MYBBP1A: variants seen among roughly 807,000 people sequenced by gnomAD.
The protein encoded by MYBBP1A is myb-binding protein 1A.
MYBBP1A carries 147 observed loss-of-function variants against 136.3 expected under a neutral mutation model. The observed-to-expected ratio is 1.08, with a 90% CI of 0.94 to 1.24. The LOEUF (loss-of-function observed/expected upper bound fraction) is 1.24, where lower values mean the gene tolerates loss of function less well. Among genes scored for constraint, MYBBP1A ranks in the 50% most tolerant of loss-of-function variants. The pLI is 0.00. For missense variants in MYBBP1A, 2,060 were observed against 1,727.4 expected (o/e 1.19, Z -3.41); for synonymous variants, 947 against 735.8 (o/e 1.29, Z -4.65).
At chr17:4,545,505 C>T (rs758944719) in intron 15 of MYBBP1A, 105 bp downstream of exon 15, 131 of 1,498,834 alleles carry the variant, frequency 8.7e-5, no homozygotes, top group Non-Finnish European at 1.1e-4. Context: ...TCCCACCGGC[C>T]GCAGGCTCCC....
rs1906088132 is a variant in MYBBP1A at position 4,539,142 on chromosome 17, A to C, written c.*273T>G. ...CCAGCACATCAACCTGCACCAACCC[A>C]GGCAAACACCAGAGCCCTGGACATG... On this transcript the variant is annotated 3_prime_UTR_variant, in exon 26 of 26. Coordinates refer to ENST00000254718, the MANE Select transcript of MYBBP1A (RefSeq NM_014520.4). The C allele has an allele frequency of 6.7e-7, 1 of 1,481,620 alleles. No homozygotes were observed. The highest frequency in any genetic ancestry group is 2.5e-5 in the Admixed American group (1 of 39,708). The allele number at this position is 1,481,620 out of a possible 1,614,324, so 91.8% of individuals were successfully genotyped here. A position where few individuals can be genotyped will look rare whatever the true frequency, so the allele number is the denominator to read the frequency against.
rs1567612094 is a variant in MYBBP1A at position 4,550,322 on chromosome 17, A to G, written c.1055T>C (p.Met352Thr). The change falls in exon 9 of 26, where the codon ATG becomes ACG. Residue 352 changes from methionine (M) to threonine (T), a missense_variant. By Grantham distance (81) the Met-to-Thr change is moderately conservative. Coordinates refer to ENST00000254718, the MANE Select transcript of MYBBP1A (RefSeq NM_014520.4). ...LPKQFKFAPE[M>T]DDYVGTFLEG... ...TAGGAAGGTGCCCACGTAATCGTCCATCTCTGGGGCAAACTTGAACTGCTT... is the reference window on the plus strand; with the variant it reads ...TAGGAAGGTGCCCACGTAATCGTCCGTCTCTGGGGCAAACTTGAACTGCTT... The G allele has an allele frequency of 6.2e-7, 1 of 1,612,886 alleles. No individual in the cohort carries two copies. The highest frequency in any genetic ancestry group is 1.7e-5 in the Admixed American group (1 of 60,014).
chr17:4,543,988 C>A (rs1906715492), intron 19 of MYBBP1A, among the ~76,000 whole-genome samples: 1 of 152,214 alleles, frequency 6.6e-6, no homozygotes. Context: ...CGCTGCTTGC[C>A]TGACCTTCCA....
At chr17:4,549,681 G>A (rs1376743271) in intron 9 of MYBBP1A, among the ~76,000 whole-genome samples, 1 of 151,078 alleles carries the variant, frequency 6.6e-6, no homozygotes, top group East Asian at 1.9e-4. Context: ...AGAGGCTGAG[G>A]CAGAGAATCA....
Position 4,554,045 on chromosome 17 carries a change from G to C in MYBBP1A, c.427C>G (p.Leu143Val). 1 of 1,614,038 alleles carries C rather than the reference G, an allele frequency of 6.2e-7. No individual in the cohort carries two copies. Among genetic ancestry groups the C allele is most frequent in the East Asian group, 2.2e-5 (1 of 44,884 alleles). Residue 143 changes from leucine to valine, a missense_variant, in exon 4 of 26, where the codon CTC becomes GTC. Physicochemically the swap from Leu to Val is conservative, Grantham distance 32. Coordinates refer to ENST00000254718, the MANE Select transcript of MYBBP1A (RefSeq NM_014520.4). ...LFANLFGVLA[L>V]FQSGRLVKDQ... ...TTCACCAGCCGACCTGACTGAAAGAGGGCGAGCACTCCAAACAGGTTTGCA... is the reference window on the plus strand; with the variant it reads ...TTCACCAGCCGACCTGACTGAAAGACGGCGAGCACTCCAAACAGGTTTGCA...
At chr17:4,540,706 T>C in intron 24 of MYBBP1A, among the ~76,000 whole-genome samples, 1 of 152,034 alleles carries the variant, frequency 6.6e-6, no homozygotes, top group Non-Finnish European at 1.5e-5. Context: ...GCCAAAGGCC[T>C]GGTCTCAGAG....
rs772587034 is a variant in MYBBP1A at position 4,548,360 on chromosome 17, GC to G, written c.1557-51del. On this transcript the variant is annotated intron_variant, in intron 11 of 25. Coordinates refer to ENST00000254718, the MANE Select transcript of MYBBP1A (RefSeq NM_014520.4). The surrounding 1 kb of genome is among the most constrained non-coding windows in gnomAD (Gnocchi z 4.2). ...TCAGCAGACCAGATGAGTCAATGTA[GC>G]CGCCTCCCTCCGCCCTCCCCAGGGC... is the stretch of plus-strand genomic sequence containing the variant. The G allele has an allele frequency of 6.2e-7, 1 of 1,605,270 alleles. No individual in the cohort carries two copies. The highest frequency in any genetic ancestry group is 2.2e-5 in the East Asian group (1 of 44,812).
rs368446294 is a variant in MYBBP1A at position 4,554,949 on chromosome 17, T to C, written c.206A>G (p.Glu69Gly). The C allele has an allele frequency of 6.2e-7, 1 of 1,613,454 alleles. No homozygotes were observed. Among genetic ancestry groups the C allele is most frequent in the African/African-American group, 1.3e-5 (1 of 75,014 alleles). ...TAGACGCTTCAGGGCATATTTCATC[T>C]CGGACCCCTGCGGAACCAAGCACAC... ...EYLRGRPKGS[E>G]MKYALKRLIT... Residue 69 changes from glutamate (E) to glycine (G), a missense_variant, in exon 2 of 26, where the codon GAG (glutamate) becomes GGG (glycine). Coordinates refer to ENST00000254718, the MANE Select transcript of MYBBP1A (RefSeq NM_014520.4).
chr17:4,545,472 G>A, intron 15 of MYBBP1A, 127 bp from the exon 16 acceptor site: 4 of 1,499,302 alleles, frequency 2.7e-6, no homozygotes, highest in Non-Finnish European at 3.6e-6. Context: ...GGCCAGGCCA[G>A]GCCAAGGCCT....
chr17:4,554,536 A>C (rs942868010), intron 2 of MYBBP1A, among the ~76,000 whole-genome samples: 1 of 152,048 alleles, frequency 6.6e-6, no homozygotes, highest in African/African-American at 2.4e-5. Context: ...GCCCCTTGTC[A>C]AGGCGCCTCA....
intron 9 of MYBBP1A, 22 bp downstream of exon 9, chr17:4,550,036 T>TCCTC: frequency 6.3e-7 from 1 of 1,587,028 alleles, no homozygotes; most frequent in Non-Finnish European, 8.6e-7. Context: ...AAATTAGGTG[T>TCCTC]CCTCCCCCAA....
In MYBBP1A at chr17:4,548,662, G is replaced by A; in HGVS notation, c.1431-13C>T. ...GAACAAACAAAACCTGGGGAGGGTG[G>A]GAGAGTGGCCATAGCCATTCACTGC... On this transcript the variant is annotated splice_polypyrimidine_tract_variant and intron_variant, in intron 10 of 25. Transcript: ENST00000254718. This position sits in a 1 kb window ranked among gnomAD's most constrained non-coding sequence, Gnocchi z 4.2. 1.2e-6 allele frequency: 2 copies of A among 1,614,044 alleles called. No homozygotes were observed.
intron 19 of MYBBP1A, chr17:4,543,444 C>T (rs947375860): frequency 3.3e-5 from 17 of 517,680 alleles, no homozygotes; most frequent in Non-Finnish European, 5.1e-5. Flanking sequence ...GGGCACCCCT[C>T]CTGTCTACAC....
rs749510484 is a variant in MYBBP1A, at chr17:4,550,194, C to T, written c.1183G>A (p.Val395Met). 9.9e-6 allele frequency: 16 copies of T among 1,613,850 alleles called. 1 individual carries two copies. The South Asian group carries it at 1.4e-4, about 14-fold the overall frequency. ...LPVTPTFWRVVRFLSPPALQG... is the reference protein window; with the variant it reads ...LPVTPTFWRVMRFLSPPALQG... ...AGGGCCGGAGGGCTCAGGAACCGCA[C>T]GACCCGCCAGAAAGTAGGCGTGACA... The change falls in exon 9 of 26, where the codon GTG (valine) becomes ATG (methionine). Residue 395 changes from valine (V) to methionine (M), a missense_variant. Val to Met is a conservative substitution (Grantham distance 21). Transcript: ENST00000254718.
chr17:4,549,220 T>C (rs1408224883), intron 10 of MYBBP1A, 112 bp downstream of exon 10: 3 of 869,290 alleles, frequency 3.5e-6, no homozygotes, highest in Admixed American at 2.5e-5. Context: ...CCCCCACTGA[T>C]GACTCAACCC....
chr17:4,543,790 C>T (rs1371685094), intron 19 of MYBBP1A, among the ~76,000 whole-genome samples: 1 of 152,074 alleles, frequency 6.6e-6, no homozygotes, highest in Non-Finnish European at 1.5e-5. Context: ...CGCCTGCCAC[C>T]GCCTCCCTCC....
intron 8 of MYBBP1A, among the ~76,000 whole-genome samples, chr17:4,551,537 C>T (rs749014827): frequency 6.6e-6 from 1 of 152,204 alleles, no homozygotes; most frequent in African/African-American, 2.4e-5. Flanking sequence ...GGCAAAATCC[C>T]GTCTCTACCA....
Position 4,548,200 on chromosome 17 carries a change from C to T in MYBBP1A, c.1667G>A (p.Ser556Asn). ...VQFADLLLNH[S>N]HNVTTVTPFT... ...GGGTGTCACGGTGGTCACGTTGTGG[C>T]TGTGATTCAACAGGAGGTCTGCGAA... The change falls in exon 12 of 26, where the codon AGC (serine) becomes AAC (asparagine). Residue 556 changes from serine (S) to asparagine (N), a missense_variant. By Grantham distance (46) the Ser-to-Asn change is conservative. Coordinates refer to ENST00000254718, the MANE Select transcript of MYBBP1A (RefSeq NM_014520.4). The surrounding 1 kb of genome is among the most constrained non-coding windows in gnomAD (Gnocchi z 4.2). 1 of 1,608,070 alleles carries T rather than the reference C, an allele frequency of 6.2e-7. No individual in the cohort carries two copies. The highest frequency in any genetic ancestry group is 8.5e-7 in the Non-Finnish European group (1 of 1,179,986).
chr17:4,546,478 G>A (rs1907024674), intron 13 of MYBBP1A, among the ~76,000 whole-genome samples: 2 of 152,094 alleles, frequency 1.3e-5, no homozygotes, highest in Admixed American at 1.3e-4. Context: ...AAAGCCTGAA[G>A]GGGACAAGGA....
Sources: allele counts gnomAD v4.1 joint callset (sites outside exome capture counted in the v4.1 genomes callset), GRCh38; gene constraint gnomAD v4.1.1; non-coding constraint Gnocchi (gnomAD v3.1); transcripts MANE v1.5; gene names NCBI Gene and HGNC (gene_info 2026-07-23, HGNC 2026-07-21).